TENM2: variants seen among roughly 807,000 people sequenced by gnomAD.
The protein encoded by TENM2 is teneurin transmembrane protein 2.
Under a neutral mutation model 245.2 loss-of-function variants are expected in TENM2, and 52 were observed. That is an observed-to-expected ratio of 0.21 (90% CI 0.17 to 0.27). The LOEUF is 0.27. TENM2 is among the 10% of genes least tolerant of loss of function. The probability of loss-of-function intolerance (pLI) is 1.00; values close to 1 mark genes in which losing one functional copy is unlikely to be tolerated. For synonymous variants in TENM2, 1,363 were observed against 1,438.9 expected (o/e 0.95, Z 1.19); for missense variants, 3,046 against 3,666.8 (o/e 0.83, Z 4.37).
chr5:168,193,520 T>C (rs549515887), intron 14 of TENM2, among the ~76,000 whole-genome samples: 3 of 152,286 alleles, frequency 2.0e-5, no homozygotes, highest in Admixed American at 2.0e-4. Context: ...CTGGAAACGA[T>C]AGGAAGCCAG....
intron 3 of TENM2, among the ~76,000 whole-genome samples, chr5:167,930,857 G>A (rs1366600364): frequency 6.6e-6 from 1 of 152,006 alleles, no homozygotes; most frequent in African/African-American, 2.4e-5. Context: ...CCCCAAAAGA[G>A]TTATTATTTT....
At chr5:167,573,719 A>T (rs1244968024) in intron 2 of TENM2, among the ~76,000 whole-genome samples, 1 of 152,122 alleles carries the variant, frequency 6.6e-6, no homozygotes, top group East Asian at 1.9e-4. Flanking sequence ...AGTTTTAGGC[A>T]TGTATGCAGC....
chr5:167,959,690 A>T (rs951155152), intron 4 of TENM2, among the ~76,000 whole-genome samples: 1 of 151,954 alleles, frequency 6.6e-6, no homozygotes, highest in Non-Finnish European at 1.5e-5. Flanking sequence ...ACCTTCTGAA[A>T]CCTACTTTTG....
the TENM2 span, among the ~76,000 whole-genome samples, chr5:167,111,762 A>G: frequency 6.6e-6 from 1 of 152,186 alleles, no homozygotes. Flanking sequence ...TTTACAGTAG[A>G]TTAGGTGGGA....
intron 1 of TENM2, among the ~76,000 whole-genome samples, chr5:167,348,481 C>A (rs111301947): frequency 6.6e-6 from 1 of 152,148 alleles, no homozygotes; most frequent in African/African-American, 2.4e-5. Flanking sequence ...GGTTGTCCTC[C>A]AGGGACTGTG....
At chr5:167,134,204 A>C in the TENM2 span, among the ~76,000 whole-genome samples, 1 of 152,242 alleles carries the variant, frequency 6.6e-6, no homozygotes, top group Non-Finnish European at 1.5e-5. Context: ...ATTTGGAAAA[A>C]AATAATTGGT....
chr5:168,194,880 A>T (rs1374854498), intron 14 of TENM2, among the ~76,000 whole-genome samples: 1 of 152,152 alleles, frequency 6.6e-6, no homozygotes, highest in Non-Finnish European at 1.5e-5. Flanking sequence ...GGGAATGATG[A>T]GGGACAGCCT....
intron 2 of TENM2, among the ~76,000 whole-genome samples, chr5:167,692,179 C>G (rs530214095): frequency 2.0e-5 from 3 of 152,256 alleles, no homozygotes; most frequent in African/African-American, 7.2e-5. Context: ...GTTCATAGGA[C>G]AGACCTTATC....
the TENM2 span, among the ~76,000 whole-genome samples, chr5:167,196,225 ACAAAGTACAGTAAAACGTATAAACATAGG>A: frequency 6.6e-6 from 1 of 152,030 alleles, no homozygotes; most frequent in Non-Finnish European, 1.5e-5. Context: ...ATAAACATAG[ACAAAGTACAGTAAAACGTATAAACATAGG>A]CAAAGTACAG....
upstream of TENM2, among the ~76,000 whole-genome samples, chr5:167,280,752 GTCTGTCTATCTA>G (rs1386016529): frequency 1.4e-3 from 186 of 130,244 alleles, no homozygotes; most frequent in East Asian, 8.1e-3. Flanking sequence ...CTGTCTATCT[GTCTGTCTATCTA>G]TCTATCTATC....
intron 2 of TENM2, among the ~76,000 whole-genome samples, chr5:167,828,068 G>T (rs1768136239): frequency 6.6e-6 from 1 of 152,142 alleles, no homozygotes; most frequent in Non-Finnish European, 1.5e-5. Flanking sequence ...CACTTCAATA[G>T]CACTTGGCCA....
At chr5:167,836,429 G>A (rs1211755176) in intron 2 of TENM2, among the ~76,000 whole-genome samples, 1 of 152,310 alleles carries the variant, frequency 6.6e-6, no homozygotes, top group East Asian at 1.9e-4. Flanking sequence ...TGGTCCAATT[G>A]AGGTGGCAGC....
At chr5:167,797,069 T>G (rs1441470263) in intron 2 of TENM2, among the ~76,000 whole-genome samples, 1 of 152,204 alleles carries the variant, frequency 6.6e-6, no homozygotes, top group Non-Finnish European at 1.5e-5. Flanking sequence ...TTATTAATGG[T>G]AATACGGAAG....
intron 2 of TENM2, among the ~76,000 whole-genome samples, chr5:167,704,300 T>C (rs1282677770): frequency 2.0e-5 from 3 of 152,194 alleles, no homozygotes; most frequent in South Asian, 2.1e-4. Context: ...TACAGATAAT[T>C]CCTCTGGGTG....
the TENM2 span, among the ~76,000 whole-genome samples, chr5:166,984,745 G>A: frequency 6.6e-6 from 1 of 151,976 alleles, no homozygotes; most frequent in Non-Finnish European, 1.5e-5. Context: ...TATCTACATA[G>A]TTAAAATCAT....
intron 1 of TENM2, among the ~76,000 whole-genome samples, chr5:167,348,442 G>GAA (rs1758611705): frequency 6.6e-6 from 1 of 152,238 alleles, no homozygotes; most frequent in African/African-American, 2.4e-5. Context: ...ATTCTCCAAG[G>GAA]GGCGCTTATC....
chr5:167,231,511 A>G, the TENM2 span, among the ~76,000 whole-genome samples: 68 of 152,304 alleles, frequency 4.5e-4, no homozygotes, highest in African/African-American at 1.5e-3. Flanking sequence ...GATCTTTGGA[A>G]CTTTGAATTT....
intron 2 of TENM2, among the ~76,000 whole-genome samples, chr5:167,784,561 C>T (rs1461418854): frequency 6.6e-6 from 1 of 152,130 alleles, no homozygotes; most frequent in Non-Finnish European, 1.5e-5. Flanking sequence ...TAGTTCCTGC[C>T]TTCTGGGTGT....
the TENM2 span, among the ~76,000 whole-genome samples, chr5:167,038,710 T>A: frequency 6.6e-6 from 1 of 152,220 alleles, no homozygotes; most frequent in African/African-American, 2.4e-5. Flanking sequence ...TCTTTTCACC[T>A]TATACCTGTG....
Sources: gnomAD v4.1 joint callset for allele counts (sites outside exome capture counted in the v4.1 genomes callset) on GRCh38, gnomAD v4.1.1 for gene constraint, MANE v1.5 for transcripts, NCBI Gene and HGNC (gene_info 2026-07-23, HGNC 2026-07-21) for gene names.